The following XYLT1 variants were observed in gnomAD, a reference collection of about 807,000 sequenced individuals.
XYLT1 encodes the protein xylosyltransferase 1.
Under a neutral mutation model 91.3 loss-of-function variants are expected in XYLT1, and 36 were observed. That is an observed-to-expected ratio of 0.39 (90% CI 0.30 to 0.52). The LOEUF is 0.52. Among genes scored for constraint, XYLT1 ranks in the 20% least tolerant of loss-of-function variants. The probability of loss-of-function intolerance (pLI) is 0.68; values close to 1 mark genes in which losing one functional copy is unlikely to be tolerated. For synonymous variants in XYLT1, 588 were observed against 532.0 expected (o/e 1.11, Z -1.45); for missense variants, 1,242 against 1,284.5 (o/e 0.97, Z 0.51).
At chr16:17,318,046 T>G (rs970760439) in intron 2 of XYLT1, among the ~76,000 whole-genome samples, 2 of 152,364 alleles carry the variant, frequency 1.3e-5, no homozygotes, top group African/African-American at 4.8e-5. Context: ...TTCACTTGTT[T>G]GAAGCGTTCT....
intron 2 of XYLT1, among the ~76,000 whole-genome samples, chr16:17,293,720 C>T (rs187972562): frequency 6.6e-6 from 1 of 152,156 alleles, no homozygotes; most frequent in East Asian, 1.9e-4. Flanking sequence ...AACTCCTGAG[C>T]TCAAGTGATC....
In XYLT1 at chr16:17,117,769, A is replaced by C; in HGVS notation, c.2434T>G (p.Leu812Val). 1 of 1,614,174 alleles carries C rather than the reference A, an allele frequency of 6.2e-7. No individual in the cohort carries two copies. The highest frequency in any genetic ancestry group is 8.5e-7 in the Non-Finnish European group (1 of 1,180,028). Residue 812 changes from leucine to valine, a missense_variant, in exon 11 of 12, where the codon TTG becomes GTG. Around this residue, in one of 3 missense-constraint regions of XYLT1, gnomAD observed 511 missense variants for 497.0 expected, o/e 1.03. Coordinates refer to ENST00000261381, the MANE Select transcript of XYLT1 (RefSeq NM_022166.4). The stretch of plus-strand genomic sequence containing the variant: ...ACCCCAGGCCTCAGGGGCAAGTTCA[A>C]AGGGGGCTTGTAGTGTGTGAATTCG... The part of the protein sequence containing the change: ...TAEFTHYKPP[L>V]NLPLRPGVWT...
rs1377354552 is a variant in XYLT1, at chr16:17,102,170, A to G, written c.*6525T>C. On this transcript the variant is annotated 3_prime_UTR_variant, in exon 12 of 12. Coordinates refer to ENST00000261381, the MANE Select transcript of XYLT1 (RefSeq NM_022166.4). ...TTTATGCCTGCAGTCTCAGCATCCC[A>G]TCCACGTGGTGCTTCCTTTAACTCT... 6.6e-6 allele frequency: 1 copy of G among 152,266 alleles called. No homozygotes were observed. The highest frequency in any genetic ancestry group is 1.5e-5 in the Non-Finnish European group (1 of 68,040). 9.4% of individuals were successfully genotyped at this position (152,266 alleles called of 1,614,324 possible). A position where few individuals can be genotyped will look rare whatever the true frequency, so the allele number is the denominator to read the frequency against.
chr16:17,318,052 G>A (rs113319371), intron 2 of XYLT1, among the ~76,000 whole-genome samples: 34 of 152,306 alleles, frequency 2.2e-4, no homozygotes, highest in Admixed American at 1.7e-3. Flanking sequence ...TGTTTGAAGC[G>A]TTCTTATGTA....
intron 2 of XYLT1, among the ~76,000 whole-genome samples, chr16:17,353,505 G>A (rs112170993): frequency 1.3e-5 from 2 of 152,328 alleles, no homozygotes; most frequent in African/African-American, 4.8e-5. Flanking sequence ...CACTACTGAT[G>A]CGCAGGGACA....
chr16:17,192,092 CTTT>C (rs550488299), intron 5 of XYLT1, among the ~76,000 whole-genome samples: 1,563 of 126,648 alleles, frequency 0.012, 18 homozygotes, highest in African/African-American at 0.039. Flanking sequence ...CTCTCTCTCT[CTTT>C]TTTTTTTTTT....
At chr16:17,263,295 T>C (rs2033750673) in intron 2 of XYLT1, among the ~76,000 whole-genome samples, 1 of 151,990 alleles carries the variant, frequency 6.6e-6, no homozygotes. Flanking sequence ...CCACGGCCAA[T>C]GAAGCTAATC....
chr16:17,178,627 T>C (rs762951820), intron 5 of XYLT1, among the ~76,000 whole-genome samples: 23 of 152,222 alleles, frequency 1.5e-4, no homozygotes, highest in Admixed American at 3.3e-4. Context: ...CACCTGTTTT[T>C]AGAAAGAAAA....
In XYLT1 at chr16:17,104,649, C is replaced by A. The variant is rs559517825; in HGVS notation, c.*4046G>T. On this transcript the variant is annotated 3_prime_UTR_variant, in exon 12 of 12. Coordinates refer to ENST00000261381, the MANE Select transcript of XYLT1 (RefSeq NM_022166.4). ...TTTGCCCACTATCTGTTAAAAAAAA[C>A]AAAAACAAACAAACAAACAACCCGA... The A allele has an allele frequency of 6.6e-6, 1 of 151,838 alleles. No homozygotes were observed. The highest frequency in any genetic ancestry group is 1.9e-4 in the East Asian group (1 of 5,180). The allele number at this position is 151,838 out of a possible 1,614,324, so 9.4% of individuals were successfully genotyped here.
At chr16:17,189,572 A>G (rs532759370) in intron 5 of XYLT1, among the ~76,000 whole-genome samples, 3 of 152,354 alleles carry the variant, frequency 2.0e-5, no homozygotes, top group Admixed American at 1.3e-4. Context: ...TGCTGAGTAT[A>G]TTGACTGATA....
intron 2 of XYLT1, chr16:17,338,613 C>T (rs77443241): frequency 0.032 from 13,193 of 406,348 alleles, 312 homozygotes; most frequent in Non-Finnish European, 0.045. Flanking sequence ...TCATTCGTGG[C>T]CTGCTCACAT....
intron 8 of XYLT1, among the ~76,000 whole-genome samples, chr16:17,136,651 G>A (rs1055122494): frequency 2.6e-5 from 4 of 151,598 alleles, no homozygotes; most frequent in African/African-American, 7.2e-5. Flanking sequence ...CTCTGCCTGC[G>A]ATTCCGACCA....
chr16:17,442,029 C>T (rs370072497), intron 1 of XYLT1, among the ~76,000 whole-genome samples: 1 of 151,906 alleles, frequency 6.6e-6, no homozygotes, highest in East Asian at 2.0e-4. Flanking sequence ...GGCTGATCCA[C>T]CCCCATGTAT....
At chr16:17,323,053 C>T (rs746401588) in intron 2 of XYLT1, among the ~76,000 whole-genome samples, 1 of 152,226 alleles carries the variant, frequency 6.6e-6, no homozygotes, top group Non-Finnish European at 1.5e-5. Context: ...TAGCCAAATA[C>T]CTCCATGGCA....
intron 1 of XYLT1, among the ~76,000 whole-genome samples, chr16:17,468,953 TC>T: frequency 6.6e-6 from 1 of 152,302 alleles, no homozygotes; most frequent in Middle Eastern, 3.4e-3. Context: ...AGGCAGCGTT[TC>T]AGAGTACCCC....
intron 3 of XYLT1, among the ~76,000 whole-genome samples, chr16:17,255,917 A>C (rs2033623397): frequency 6.6e-6 from 1 of 152,180 alleles, no homozygotes. Flanking sequence ...CTAAGGCAGG[A>C]GAATCACTTG....
intron 2 of XYLT1, among the ~76,000 whole-genome samples, chr16:17,314,396 A>G (rs1567370126): frequency 6.6e-6 from 1 of 152,016 alleles, no homozygotes; most frequent in East Asian, 1.9e-4. Context: ...CGAGTCAGTC[A>G]TTTTTTTAGA....
At position 17,428,386 on chromosome 16, in the gene XYLT1, G is replaced by A. The variant is rs143595038; in HGVS notation, c.363+42048C>T. On this transcript the variant is annotated intron_variant, in intron 1 of 11. Transcript: ENST00000261381. ...CACCTGACCCTGTCACTTTCCAGCT[G>A]TGTGCTCTTGACCATGTTAAATCTG... is the stretch of plus-strand genomic sequence containing the variant. 1.7e-3 allele frequency among the ~76,000 whole-genome samples: 266 copies of A among 152,276 alleles called. 1 individual carries two copies. In the Middle Eastern group the frequency reaches 0.031, roughly 18 times the overall value.
At chr16:17,317,563 G>A (rs543896276) in intron 2 of XYLT1, among the ~76,000 whole-genome samples, 37 of 140,220 alleles carry the variant, frequency 2.6e-4, no homozygotes, top group African/African-American at 9.1e-4. Flanking sequence ...CCAGGAGATC[G>A]AGTTTGCGGT....
Sources: allele counts gnomAD v4.1 joint callset (sites outside exome capture counted in the v4.1 genomes callset), GRCh38; gene constraint gnomAD v4.1.1; regional missense constraint gnomAD v4.1.1; transcripts MANE v1.5; gene names NCBI Gene and HGNC (gene_info 2026-07-23, HGNC 2026-07-21).